MAP4K4: variants seen among roughly 807,000 people sequenced by gnomAD.
MAP4K4 encodes mitogen-activated protein kinase kinase kinase kinase 4.
A neutral mutation model predicts 189.6 loss-of-function variants in MAP4K4; 38 were observed. The ratio of observed to expected loss-of-function variants is 0.20; its 90% CI spans 0.15 to 0.26. The LOEUF is 0.26. MAP4K4 is among the 10% of genes least tolerant of loss of function. The pLI, the probability that MAP4K4 is intolerant of heterozygous loss-of-function variation, is 1.00. For synonymous variants in MAP4K4, 610 were observed against 624.3 expected (o/e 0.98, Z 0.34); for missense variants, 1,054 against 1,726.9 (o/e 0.61, Z 6.91).
intron 2 of MAP4K4, among the ~76,000 whole-genome samples, chr2:101,710,915 G>A (rs535079154): frequency 6.6e-6 from 1 of 152,260 alleles, no homozygotes; most frequent in Admixed American, 6.5e-5. Context: ...CATTCAGTTT[G>A]CCTTGAGCCA....
At chr2:101,757,506 A>G (rs934550297) in intron 2 of MAP4K4, among the ~76,000 whole-genome samples, 3 of 152,234 alleles carry the variant, frequency 2.0e-5, no homozygotes, top group Non-Finnish European at 2.9e-5. Flanking sequence ...TCAGATATAC[A>G]GTAATAATGA....
chr2:101,829,401 A>C (rs919601404), intron 5 of MAP4K4, 103 bp from the exon 6 acceptor site: 2 of 709,496 alleles, frequency 2.8e-6, no homozygotes, highest in African/African-American at 3.5e-5. Context: ...TGAGCTCACA[A>C]ACACCTTTGG....
intron 9 of MAP4K4, among the ~76,000 whole-genome samples, chr2:101,838,375 A>G (rs1390273293): frequency 6.6e-6 from 1 of 152,268 alleles, no homozygotes; most frequent in East Asian, 1.9e-4. Context: ...TAAACGTAGA[A>G]TAAAGTAACA....
chr2:101,718,855 C>A (rs1331597451), intron 2 of MAP4K4, among the ~76,000 whole-genome samples: 3 of 152,144 alleles, frequency 2.0e-5, no homozygotes, highest in Non-Finnish European at 4.4e-5. Flanking sequence ...ACTGTAATTC[C>A]ATACTTTCAA....
intron 2 of MAP4K4, among the ~76,000 whole-genome samples, chr2:101,770,468 C>T (rs1350664446): frequency 6.6e-6 from 1 of 151,898 alleles, no homozygotes; most frequent in Non-Finnish European, 1.5e-5. Flanking sequence ...GTAGAGACGG[C>T]ATTTTGCCAT....
At chr2:101,830,046 T>C (rs944110717) in intron 6 of MAP4K4, among the ~76,000 whole-genome samples, 2 of 152,194 alleles carry the variant, frequency 1.3e-5, no homozygotes, top group African/African-American at 4.8e-5. Context: ...CTTTGGGCCT[T>C]TGCATGACTA....
chr2:101,703,522 G>A (rs2040225570), intron 2 of MAP4K4, among the ~76,000 whole-genome samples: 1 of 151,104 alleles, frequency 6.6e-6, no homozygotes, highest in Admixed American at 6.6e-5. Flanking sequence ...GGAGGCTGAG[G>A]TGGGAGAATC....
chr2:101,890,014 G>C (rs1577533561), intron 32 of MAP4K4, among the ~76,000 whole-genome samples: 1 of 152,110 alleles, frequency 6.6e-6, no homozygotes, highest in East Asian at 1.9e-4. Context: ...TTGTCAGCTT[G>C]TTGGCTTATA....
chr2:101,823,231 C>A (rs570069065), intron 3 of MAP4K4, among the ~76,000 whole-genome samples: 1 of 152,316 alleles, frequency 6.6e-6, no homozygotes, highest in South Asian at 2.1e-4. Flanking sequence ...GATCTTCTCA[C>A]ACAAACTCTG....
intron 27 of MAP4K4, among the ~76,000 whole-genome samples, chr2:101,878,593 A>G (rs1251725796): frequency 6.6e-6 from 1 of 152,006 alleles, no homozygotes; most frequent in African/African-American, 2.4e-5. Flanking sequence ...TCATGTGAAC[A>G]TTTTTCACAG....
chr2:101,722,046 A>G (rs184257297), intron 2 of MAP4K4, among the ~76,000 whole-genome samples: 1 of 152,138 alleles, frequency 6.6e-6, no homozygotes, highest in African/African-American at 2.4e-5. Context: ...TTGGTTTACA[A>G]TAGAGGAAGA....
chr2:101,849,052 A>C (rs1161442164), intron 12 of MAP4K4, among the ~76,000 whole-genome samples: 1 of 151,824 alleles, frequency 6.6e-6, no homozygotes, highest in Admixed American at 6.6e-5. Flanking sequence ...TTCTGGGTAC[A>C]CTCATATTTT....
intron 30 of MAP4K4, 34 bp downstream of exon 30, chr2:101,887,271 C>T: frequency 6.3e-7 from 1 of 1,575,798 alleles, no homozygotes; most frequent in South Asian, 1.2e-5. Context: ...GGTTGGTTGA[C>T]TGGCTTCATT....
intron 18 of MAP4K4, 120 bp from the exon 19 acceptor site, chr2:101,866,308 C>G: frequency 1.3e-6 from 1 of 799,402 alleles, no homozygotes. Context: ...TGTTTATAGA[C>G]TGTTTTTTGT....
intron 2 of MAP4K4, among the ~76,000 whole-genome samples, chr2:101,786,732 C>T (rs552667212): frequency 2.6e-5 from 4 of 152,150 alleles, no homozygotes; most frequent in Non-Finnish European, 4.4e-5. Context: ...GCCATTGTAT[C>T]GTGGGCAGAT....
At chr2:101,730,098 G>A (rs956768969) in intron 2 of MAP4K4, among the ~76,000 whole-genome samples, 2 of 152,144 alleles carry the variant, frequency 1.3e-5, no homozygotes, top group Non-Finnish European at 2.9e-5. Flanking sequence ...CTAGGACGGG[G>A]GAAAGTAAAG....
At chr2:101,775,919 T>C (rs1381853452) in intron 2 of MAP4K4, among the ~76,000 whole-genome samples, 2 of 152,256 alleles carry the variant, frequency 1.3e-5, no homozygotes, top group Admixed American at 1.3e-4. Context: ...GTCTGCTACT[T>C]GGGCTTCTCC....
chr2:101,796,116 C>T (rs1199295532), intron 3 of MAP4K4, among the ~76,000 whole-genome samples: 3 of 152,186 alleles, frequency 2.0e-5, no homozygotes, highest in Non-Finnish European at 4.4e-5. Context: ...CACTGAGTAG[C>T]AGAGCTGTAT....
At chr2:101,711,937 G>C (rs1235853590) in intron 2 of MAP4K4, among the ~76,000 whole-genome samples, 1 of 146,746 alleles carries the variant, frequency 6.8e-6, no homozygotes, top group Non-Finnish European at 1.5e-5. Flanking sequence ...GGCTCTATCA[G>C]CTAAGGACTT....
Sources: allele counts gnomAD v4.1 joint callset (sites outside exome capture counted in the v4.1 genomes callset), GRCh38; gene constraint gnomAD v4.1.1; transcripts MANE v1.5; gene names NCBI Gene and HGNC (gene_info 2026-07-23, HGNC 2026-07-21).